Variants in NPY2R observed in about 807,000 individuals in gnomAD.
NPY2R encodes neuropeptide Y receptor Y2.
A neutral mutation model predicts 22.3 loss-of-function variants in NPY2R; 17 were observed. The ratio of observed to expected loss-of-function variants is 0.76; its 90% CI spans 0.52 to 1.14. The LOEUF (loss-of-function observed/expected upper bound fraction) is 1.14, where lower values mean the gene tolerates loss of function less well. NPY2R is among the 50% of genes most tolerant of loss of function. NPY2R has a pLI of 0.00. For missense variants in NPY2R, 424 were observed against 467.9 expected (o/e 0.91, Z 0.87); for synonymous variants, 209 against 183.4 (o/e 1.14, Z -1.13).
chr4:155,199,170 G>A, the NPY2R span, among the ~76,000 whole-genome samples: 2 of 151,742 alleles, frequency 1.3e-5, no homozygotes, highest in Non-Finnish European at 1.5e-5. Context: ...CTTACCTATT[G>A]GGCTTCTACT....
chr4:155,175,999 A>G, the NPY2R span, among the ~76,000 whole-genome samples: 1 of 152,112 alleles, frequency 6.6e-6, no homozygotes, highest in Non-Finnish European at 1.5e-5. Context: ...CTAAGTTTAA[A>G]ACTTGAAATG....
At position 155,214,642 on chromosome 4, in the gene NPY2R, A is replaced by G. The variant is rs376163169; in HGVS notation, c.703A>G (p.Ile235Val). 9 of 1,614,086 alleles carry G rather than the reference A, an allele frequency of 5.6e-6. No homozygotes were observed. Among genetic ancestry groups the G allele is most frequent in the African/African-American group, 4.0e-5 (3 of 74,930 alleles). The stretch of plus-strand genomic sequence containing the variant: ...CTTGTATGTTTTGCCTCTGGGCATT[A>G]TATCATTTTCCTACACTCGCATTTG... ...LILYVLPLGIISFSYTRIWSK... is the reference protein window; with the variant it reads ...LILYVLPLGIVSFSYTRIWSK... Residue 235 changes from isoleucine to valine, a missense_variant, in exon 2 of 2, where the codon ATA becomes GTA. Physicochemically the swap from Ile to Val is conservative, Grantham distance 29 (BLOSUM62 3). Coordinates refer to ENST00000329476, the MANE Select transcript of NPY2R (RefSeq NM_000910.4).
intron 1 of NPY2R, among the ~76,000 whole-genome samples, 177 bp from the exon 2 acceptor site, chr4:155,213,715 G>C (rs1328774676): frequency 6.6e-6 from 1 of 151,994 alleles, no homozygotes; most frequent in Non-Finnish European, 1.5e-5. Flanking sequence ...CTTATTAAAG[G>C]GTCTATTTCA....
chr4:155,199,512 A>T, the NPY2R span, among the ~76,000 whole-genome samples: 1 of 152,160 alleles, frequency 6.6e-6, no homozygotes, highest in Non-Finnish European at 1.5e-5. Flanking sequence ...TTAGAAAAAA[A>T]ACTACTTTAA....
In NPY2R at chr4:155,213,834, C is replaced by A. The variant is rs547504413; in HGVS notation, c.-48-58C>A. The stretch of plus-strand genomic sequence containing the variant: ...TTTCTTTGCTTCACCTTTGTGTTTT[C>A]CTCGTTCCATTGGTTTTTGTTGTTG... On this transcript the variant is annotated intron_variant, in intron 1 of 1. Coordinates refer to ENST00000329476, the MANE Select transcript of NPY2R (RefSeq NM_000910.4). 22 of 958,144 alleles carry A rather than the reference C, an allele frequency of 2.3e-5. 1 individual carries two copies. The South Asian group carries it at 2.8e-4, about 12-fold the overall frequency. The allele number at this position is 958,144 out of a possible 1,614,324, so 59.4% of individuals were successfully genotyped here.
chr4:155,202,668 A>G, the NPY2R span, among the ~76,000 whole-genome samples: 1 of 152,168 alleles, frequency 6.6e-6, no homozygotes, highest in Non-Finnish European at 1.5e-5. Flanking sequence ...TGAAAACTGT[A>G]TATAAATCTT....
At chr4:155,209,656 A>G (rs1438614306) in intron 1 of NPY2R, among the ~76,000 whole-genome samples, 2 of 152,174 alleles carry the variant, frequency 1.3e-5, no homozygotes, top group African/African-American at 2.4e-5. Flanking sequence ...CATGTCTTGT[A>G]TGTAGCATTC....
At chr4:155,187,435 C>A in the NPY2R span, among the ~76,000 whole-genome samples, 4 of 151,934 alleles carry the variant, frequency 2.6e-5, no homozygotes, top group Admixed American at 2.6e-4. Context: ...TTTGTATGTG[C>A]AAATGGAATG....
the NPY2R span, among the ~76,000 whole-genome samples, chr4:155,174,462 TTA>T: frequency 4.3e-5 from 5 of 116,600 alleles, no homozygotes; most frequent in South Asian, 5.3e-4. Context: ...TGGCTAAGCT[TTA>T]TATATATATA....
chr4:155,202,288 A>C, the NPY2R span, among the ~76,000 whole-genome samples: 1 of 144,448 alleles, frequency 6.9e-6, no homozygotes, highest in East Asian at 2.1e-4. Flanking sequence ...CATTTAAAAC[A>C]AAAACAAAAA....
the NPY2R span, among the ~76,000 whole-genome samples, chr4:155,191,612 T>C: frequency 6.6e-6 from 1 of 151,942 alleles, no homozygotes; most frequent in Non-Finnish European, 1.5e-5. Flanking sequence ...TAGATACTTA[T>C]GTTTTCTCCT....
At chr4:155,208,352 C>T (rs1313158442), upstream of NPY2R, 2 of 152,418 alleles carry the variant, frequency 1.3e-5, no homozygotes, top group East Asian at 3.9e-4. The surrounding 1 kb of genome is among the most constrained non-coding windows in gnomAD (Gnocchi z 5.6). Flanking sequence ...GTCCGCCCCG[C>T]CTTTGCCCTC....
the NPY2R span, among the ~76,000 whole-genome samples, chr4:155,198,021 C>A: frequency 1.3e-5 from 2 of 152,004 alleles, no homozygotes; most frequent in Non-Finnish European, 2.9e-5. Flanking sequence ...GCAACTATTT[C>A]TTAAACCAAG....
At chr4:155,200,201 A>T in the NPY2R span, among the ~76,000 whole-genome samples, 1 of 152,182 alleles carries the variant, frequency 6.6e-6, no homozygotes, top group East Asian at 1.9e-4. Context: ...ATCTGAACAG[A>T]CACTTCTCAA....
chr4:155,187,116 C>T, the NPY2R span, among the ~76,000 whole-genome samples: 5 of 152,132 alleles, frequency 3.3e-5, no homozygotes, highest in African/African-American at 1.2e-4. Context: ...ACTGATGCAA[C>T]AGATAAAGGT....
chr4:155,216,845 T>C lies in NPY2R; in HGVS notation c.*1760T>C, dbSNP rs189777347. 7.8e-5 allele frequency: 13 copies of C among 167,210 alleles called. No homozygotes were observed. The highest frequency in any genetic ancestry group is 7.2e-4 in the Admixed American group (11 of 15,304). The allele number at this position is 167,210 out of a possible 1,614,324, so 10.4% of individuals were successfully genotyped here. A position where few individuals can be genotyped will look rare whatever the true frequency, so the allele number is the denominator to read the frequency against. The stretch of plus-strand genomic sequence containing the variant: ...TTTGTCTTTTAAGTAGCAGTCACTT[T>C]GCTTAAGATGCTAATAGAAAACTGT... On this transcript the variant is annotated 3_prime_UTR_variant, in exon 2 of 2. Coordinates refer to ENST00000329476, the MANE Select transcript of NPY2R (RefSeq NM_000910.4).
rs1729456373 is a variant in NPY2R at position 155,213,973 on chromosome 4, C to T, written c.34C>T (p.Gln12Ter). ...AATAGGTGCAGAGGCTGATGAGAAC[C>T]AGACAGTGGAAGAAATGAAGGTGGA... ...GPIGAEADEN[Q>*]TVEEMKVEQY... Residue 12 changes from glutamine to a stop codon, truncating the protein, a stop_gained, in exon 2 of 2, where the codon CAG (glutamine) becomes TAG (stop). Coordinates refer to ENST00000329476, the MANE Select transcript of NPY2R (RefSeq NM_000910.4). LOFTEE classifies it high-confidence loss of function. 2 of 1,614,048 alleles carry T rather than the reference C, an allele frequency of 1.2e-6. No homozygotes were observed. Among genetic ancestry groups the T allele is most frequent in the Non-Finnish European group, 1.7e-6 (2 of 1,180,010 alleles).
chr4:155,192,417 G>A, the NPY2R span, among the ~76,000 whole-genome samples: 1 of 151,824 alleles, frequency 6.6e-6, no homozygotes, highest in Non-Finnish European at 1.5e-5. Flanking sequence ...AAAAGGCCTA[G>A]TAGCTTGCTT....
chr4:155,177,141 A>G, the NPY2R span, among the ~76,000 whole-genome samples: 8,559 of 152,260 alleles, frequency 0.056, 804 homozygotes, highest in African/African-American at 0.2. Flanking sequence ...AGTAGTCTCC[A>G]AAATGTTAAT....
Sources: allele counts gnomAD v4.1 joint callset (sites outside exome capture counted in the v4.1 genomes callset), GRCh38; gene constraint gnomAD v4.1.1; non-coding constraint Gnocchi (gnomAD v3.1); transcripts MANE v1.5; gene names NCBI Gene and HGNC (gene_info 2026-07-23, HGNC 2026-07-21).